The following REPS2 variants were observed in gnomAD, a reference collection of about 807,000 sequenced individuals.
REPS2 encodes RALBP1 associated Eps domain containing 2.
REPS2 carries 23 observed loss-of-function variants against 53.6 expected under a neutral mutation model. The ratio of observed to expected loss-of-function variants is 0.43; its 90% confidence interval spans 0.31 to 0.61. The LOEUF is 0.61. REPS2 is among the 20% of genes least tolerant of loss of function. The pLI is 0.11. For missense variants in REPS2, 446 were observed against 534.9 expected (o/e 0.83, Z 1.64); for synonymous variants, 238 against 218.6 (o/e 1.09, Z -0.78).
chrX:17,022,439 A>T, intron 3 of REPS2, 168 bp downstream of exon 3: 1 of 398,463 alleles, frequency 2.5e-6, no homozygotes, highest in Non-Finnish European at 4.3e-6. Flanking sequence ...AGAGACCGAC[A>T]CATATGAATC....
At chrX:17,144,195 C>G (rs192160979) in intron 17 of REPS2, among the ~76,000 whole-genome samples, 81 of 112,683 alleles carry the variant, frequency 7.2e-4, no homozygotes, top group African/African-American at 2.5e-3. Context: ...TAGGTCTCAG[C>G]ATTCCAGGAT....
Position 17,022,053 on chromosome X carries a change from A to G in REPS2, c.398-70A>G, listed in dbSNP as rs1057272566. 5.5e-5 allele frequency: 55 copies of G among 1,005,688 alleles called. No homozygotes were observed. The Middle Eastern group carries it at 2.1e-3, about 38-fold the overall frequency. The allele number at this position is 1,005,688 out of a possible 1,213,427, so 82.9% of individuals were successfully genotyped here. A position where few individuals can be genotyped will look rare whatever the true frequency, so the allele number is the denominator to read the frequency against. Reference sequence around the variant, plus strand: ...CTCAAAAATGATTCATCGTTTGGCCATTGAGTTCCCCTTTTTTGCAGTTTT... The same window carrying G: ...CTCAAAAATGATTCATCGTTTGGCCGTTGAGTTCCCCTTTTTTGCAGTTTT... On this transcript the variant is annotated intron_variant, in intron 2 of 17. Coordinates refer to ENST00000357277, the MANE Select transcript of REPS2 (RefSeq NM_004726.3).
chrX:17,026,752 A>G (rs1190495413), intron 4 of REPS2, among the ~76,000 whole-genome samples: 1 of 111,148 alleles, frequency 9.0e-6, no homozygotes, highest in Non-Finnish European at 1.9e-5. Context: ...CTTTTTTAAA[A>G]GTGAGGTAAA....
At position 17,023,406 on chromosome X, in the gene REPS2, C is replaced by T. The variant is rs773339271; in HGVS notation, c.546+1135C>T. 3.5e-3 allele frequency among the ~76,000 whole-genome samples: 347 copies of T among 98,440 alleles called. 1 individual carries two copies. The highest frequency in any genetic ancestry group is 6.6e-3 in the South Asian group (13 of 1,962). The allele number at this position is 98,440 out of a possible 115,157, so 85.5% of individuals were successfully genotyped here. ...TCACATCACTGCACTCCAGCCTGGG[C>T]CACAGAGCAAGACTGTGTCTCAAAA... On this transcript the variant is annotated intron_variant, in intron 3 of 17. Transcript: ENST00000357277.
chrX:17,092,886 A>G (rs2062637391), intron 13 of REPS2, among the ~76,000 whole-genome samples: 1 of 104,499 alleles, frequency 9.6e-6, no homozygotes, highest in Non-Finnish European at 1.9e-5. Context: ...TGGATAAAAT[A>G]TTTGGATCCA....
At chrX:17,133,949 C>T in intron 15 of REPS2, 42 bp downstream of exon 15, 1 of 1,001,742 alleles carries the variant, frequency 1.0e-6, no homozygotes, top group Non-Finnish European at 1.4e-6. Flanking sequence ...CGTTGCGAGT[C>T]CCACCCCGGG....
chrX:16,969,572 G>A (rs1296130801), intron 1 of REPS2, among the ~76,000 whole-genome samples: 1 of 110,128 alleles, frequency 9.1e-6, no homozygotes, highest in Non-Finnish European at 1.9e-5. Flanking sequence ...AAAAAAATAC[G>A]AAAACCAGTC....
At chrX:17,166,659 A>G in the REPS2 span, among the ~76,000 whole-genome samples, 2 of 111,887 alleles carry the variant, frequency 1.8e-5, no homozygotes, top group East Asian at 5.7e-4. Context: ...GAGCTACAGA[A>G]CATTGTGTGC....
At chrX:16,959,293 C>G (rs1030104188) in intron 1 of REPS2, among the ~76,000 whole-genome samples, 4 of 111,850 alleles carry the variant, frequency 3.6e-5, no homozygotes, top group Non-Finnish European at 7.5e-5. Context: ...GAGACAGGGT[C>G]TCACTATATT....
intron 14 of REPS2, among the ~76,000 whole-genome samples, chrX:17,130,236 A>G (rs1339670443): frequency 1.8e-5 from 2 of 111,498 alleles, no homozygotes; most frequent in East Asian, 5.7e-4. Flanking sequence ...GACTCCTGGC[A>G]GTGAATGGCT....
downstream of REPS2, among the ~76,000 whole-genome samples, chrX:17,155,811 G>A (rs985570191): frequency 3.6e-5 from 4 of 111,939 alleles, no homozygotes; most frequent in African/African-American, 1.3e-4. Flanking sequence ...CTAAACCCTG[G>A]TAAGCAGGAG....
chrX:16,997,727 G>A (rs1000070511), intron 1 of REPS2, among the ~76,000 whole-genome samples: 12 of 112,461 alleles, frequency 1.1e-4, no homozygotes, highest in African/African-American at 3.9e-4. Flanking sequence ...CATCAGTTGT[G>A]CAAGAGCCTC....
chrX:17,156,076 T>C (rs1344856948), downstream of REPS2, among the ~76,000 whole-genome samples: 3 of 112,033 alleles, frequency 2.7e-5, no homozygotes, highest in Non-Finnish European at 3.8e-5. Context: ...AGCATCTCCA[T>C]GGCAAACTGT....
intron 12 of REPS2, among the ~76,000 whole-genome samples, chrX:17,075,702 T>C (rs1334011213): frequency 1.8e-5 from 2 of 112,418 alleles, no homozygotes; most frequent in Non-Finnish European, 3.8e-5. Flanking sequence ...GATATAAACA[T>C]ACAGGTTATA....
At chrX:17,050,198 T>TCTTTTCTTTTC (rs1185481723) in intron 6 of REPS2, among the ~76,000 whole-genome samples, 1 of 22,960 alleles carries the variant, frequency 4.4e-5, no homozygotes, top group Non-Finnish European at 7.1e-5. Flanking sequence ...TTCTTTCTTT[T>TCTTTTCTTTTC]TTTTTTTTTT....
the REPS2 span, among the ~76,000 whole-genome samples, chrX:17,169,847 T>C: frequency 1.8e-5 from 2 of 111,901 alleles, no homozygotes; most frequent in Non-Finnish European, 3.8e-5. Context: ...TCCAGTGGGA[T>C]GCAAGTGGCA....
chrX:17,144,879 T>C (rs1160178811), intron 17 of REPS2, among the ~76,000 whole-genome samples: 1 of 111,730 alleles, frequency 9.0e-6, no homozygotes, highest in African/African-American at 3.3e-5. Flanking sequence ...AAAGTGTCAC[T>C]GTGGCCCATC....
intron 10 of REPS2, 62 bp downstream of exon 10, chrX:17,068,533 C>A: frequency 1.1e-6 from 1 of 926,731 alleles, no homozygotes; most frequent in South Asian, 2.2e-5. Flanking sequence ...ATCTACTCCT[C>A]TTGGAATGGT....
At chrX:16,953,099 A>AC (rs1491141582) in intron 1 of REPS2, among the ~76,000 whole-genome samples, 2 of 81,267 alleles carry the variant, frequency 2.5e-5, no homozygotes, top group Non-Finnish European at 4.7e-5. Context: ...ACCAAAAAAC[A>AC]AACACACACA....
Sources: gnomAD v4.1 joint callset for allele counts (sites outside exome capture counted in the v4.1 genomes callset) on GRCh38, gnomAD v4.1.1 for gene constraint, MANE v1.5 for transcripts, NCBI Gene and HGNC (gene_info 2026-07-23, HGNC 2026-07-21) for gene names.